CDK18: variants seen among roughly 807,000 people sequenced by gnomAD.
CDK18 encodes cyclin-dependent kinase 18.
In CDK18, 52 loss-of-function variants were observed where a neutral mutation model predicts 62.0. The ratio of observed to expected loss-of-function variants is 0.84; its 90% CI spans 0.67 to 1.06. CDK18 has a LOEUF of 1.06. CDK18 is among the 50% of genes least tolerant of loss of function. The probability of loss-of-function intolerance (pLI) is 0.00; values close to 1 mark genes in which losing one functional copy is unlikely to be tolerated. For missense variants in CDK18, 604 were observed against 619.9 expected, an observed-to-expected ratio of 0.97 and a Z score of 0.27; for synonymous variants, 237 against 247.0, an observed-to-expected ratio of 0.96 and a Z score of 0.38.
Position 205,527,290 on chromosome 1 carries a change from G to C in CDK18, c.729+453G>C. 4.5e-6 allele frequency: 1 copy of C among 221,322 alleles called. No individual in the cohort carries two copies. The highest frequency in any genetic ancestry group is 7.6e-5 in the South Asian group (1 of 13,192). The allele number at this position is 221,322 out of a possible 1,614,324, so 13.7% of individuals were successfully genotyped here. ...GCCCAGGAGTTTGAGACCAGCCTGG[G>C]CAACATGGCAAGACCTCATCTCTAC... On this transcript the variant is annotated intron_variant, in intron 8 of 15. Transcript: ENST00000429964. The surrounding 1 kb of genome is among the most constrained non-coding windows in gnomAD (Gnocchi z 4.1).
intron 4 of CDK18, 52 bp from the exon 5 acceptor site, chr1:205,525,087 T>G (rs550087546): frequency 1.5e-6 from 2 of 1,304,742 alleles, no homozygotes; most frequent in Non-Finnish European, 2.2e-6. Context: ...GTCATGTCTG[T>G]GGAGCTGCTA....
Position 205,523,609 on chromosome 1 carries a change from G to A in CDK18, c.257G>A (p.Arg86His), listed in dbSNP as rs781337493. The A allele has an allele frequency of 1.0e-5, 16 of 1,573,580 alleles. No individual in the cohort carries two copies. Among genetic ancestry groups the A allele is most frequent in the Middle Eastern group, 1.7e-4 (1 of 6,044 alleles). ...CAGTTCCAGCGGCGGCAGAACCAGC[G>A]CCGCTTCTCCATGGAGGTAAGGGCC... Reference protein sequence around the residue: ...GVQFQRRQNQRRFSMEDVSKR... With the variant: ...GVQFQRRQNQHRFSMEDVSKR... Residue 86 changes from arginine to histidine, a missense_variant, in exon 3 of 16, where the codon CGC becomes CAC. Transcript: ENST00000429964.
Position 205,524,762 on chromosome 1 carries a change from C to T in CDK18, c.400-377C>T, listed in dbSNP as rs117509650. Among the ~76,000 whole-genome samples the T allele has an allele frequency of 2.1e-3, 324 of 152,326 alleles. 9 individuals carry two copies. In the East Asian group the frequency reaches 0.059, roughly 28 times the overall value. ...AATCCGTCTTGTTAAGGGTTGGATA[C>T]ACCTGAGCTAGAAGTGCGCTGATGA... On this transcript the variant is annotated intron_variant, in intron 4 of 15. Coordinates refer to ENST00000429964, the MANE Select transcript of CDK18 (RefSeq NM_212502.3).
In CDK18 at chr1:205,510,093, A is replaced by G. The variant is rs191179008; in HGVS notation, c.-22+5297A>G. Among the ~76,000 whole-genome samples the G allele has an allele frequency of 3.9e-3, 593 of 152,072 alleles. 4 individuals carry two copies. Among genetic ancestry groups the G allele is most frequent in the African/African-American group, 0.014 (563 of 41,468 alleles). On this transcript the variant is annotated intron_variant, in intron 1 of 15. Coordinates refer to ENST00000429964, the MANE Select transcript of CDK18 (RefSeq NM_212502.3). ...AGACTTTGTCTCAAAAAAAAAAAAA[A>G]AATTTCTACCCTCCCTCACTCTGAA...
rs1575077351 is a variant in CDK18, at chr1:205,528,465, A to C, written c.974+297A>C. Among the ~76,000 whole-genome samples, 1 of 152,132 alleles carries C rather than the reference A, an allele frequency of 6.6e-6. No homozygotes were observed. Among genetic ancestry groups the C allele is most frequent in the East Asian group, 1.9e-4 (1 of 5,176 alleles). ...AGGGCCCCTATAGTAAATACGATGA[A>C]TCTTCCCCAAGCATCAGTCCCAGTG... On this transcript the variant is annotated intron_variant, in intron 10 of 15. Coordinates refer to ENST00000429964, the MANE Select transcript of CDK18 (RefSeq NM_212502.3). The surrounding 1 kb of genome is among the most constrained non-coding windows in gnomAD (Gnocchi z 4.2).
chr1:205,518,427 C>T (rs1283068997), intron 1 of CDK18, among the ~76,000 whole-genome samples: 1 of 152,150 alleles, frequency 6.6e-6, no homozygotes, highest in South Asian at 2.1e-4. Context: ...CACGTCATTG[C>T]GATTCCATAG....
intron 1 of CDK18, among the ~76,000 whole-genome samples, chr1:205,509,368 G>T (rs1473291948): frequency 6.6e-6 from 1 of 152,092 alleles, no homozygotes; most frequent in East Asian, 1.9e-4. Flanking sequence ...TAGACAAGAT[G>T]ACCCAATAAT....
chr1:205,528,934 T>C lies in CDK18; in HGVS notation c.975-65T>C. ...TGGCAGGTCGTCATTGGTGCCCTGG[T>C]GGAGCAGCCCTAGGAAGGGCGGCCG... On this transcript the variant is annotated intron_variant, in intron 10 of 15. Coordinates refer to ENST00000429964, the MANE Select transcript of CDK18 (RefSeq NM_212502.3). This position sits in a 1 kb window ranked among gnomAD's most constrained non-coding sequence, Gnocchi z 4.2. The C allele has an allele frequency of 9.3e-7, 1 of 1,073,900 alleles. No homozygotes were observed. Among genetic ancestry groups the C allele is most frequent in the Non-Finnish European group, 1.4e-6 (1 of 736,336 alleles). The allele number at this position is 1,073,900 out of a possible 1,614,324, so 66.5% of individuals were successfully genotyped here.
At position 205,526,916 on chromosome 1, in the gene CDK18, C is replaced by T. The variant is rs1179340474; in HGVS notation, c.729+79C>T. On this transcript the variant is annotated intron_variant, in intron 8 of 15. Coordinates refer to ENST00000429964, the MANE Select transcript of CDK18 (RefSeq NM_212502.3). ...CCAGTGTGGGGACCCACTCTCACCA[C>T]CAGGGATCCGGCTGCTGAGGTGGCT... 6 of 1,176,168 alleles carry T rather than the reference C, an allele frequency of 5.1e-6. No individual in the cohort carries two copies. In the East Asian group the frequency reaches 1.4e-4, roughly 28 times the overall value. 72.9% of individuals were successfully genotyped at this position (1,176,168 alleles called of 1,614,324 possible). A position where few individuals can be genotyped will look rare whatever the true frequency, so the allele number is the denominator to read the frequency against.
Position 205,527,983 on chromosome 1 carries a change from G to A in CDK18, c.854-65G>A. On this transcript the variant is annotated intron_variant, in intron 9 of 15. Coordinates refer to ENST00000429964, the MANE Select transcript of CDK18 (RefSeq NM_212502.3). This position sits in a 1 kb window ranked among gnomAD's most constrained non-coding sequence, Gnocchi z 4.1. ...TGCCTCAGGGTGTGGGTGCAGTGGG[G>A]GAGGGCATAGCAGTCAACCCCACAG... 6.2e-7 allele frequency: 1 copy of A among 1,613,050 alleles called. No homozygotes were observed. The highest frequency in any genetic ancestry group is 8.5e-7 in the Non-Finnish European group (1 of 1,179,226).
chr1:205,527,999 AACCCCACAGCACC>A lies in CDK18; in HGVS notation c.854-48_854-36del, dbSNP rs773937069. 6.2e-7 allele frequency: 1 copy of A among 1,613,332 alleles called. No individual in the cohort carries two copies. ...TGCAGTGGGGGAGGGCATAGCAGTCAACCCCACAGCACCTGTGGACAGAGGTCCAGTGACATGT... is the reference window on the plus strand; with the variant it reads ...TGCAGTGGGGGAGGGCATAGCAGTCATGTGGACAGAGGTCCAGTGACATGT... On this transcript the variant is annotated intron_variant, in intron 9 of 15. Transcript: ENST00000429964. This position sits in a 1 kb window ranked among gnomAD's most constrained non-coding sequence, Gnocchi z 4.1.
At position 205,516,505 on chromosome 1, in the gene CDK18, G is replaced by A. The variant is rs1667825223; in HGVS notation, c.-21-6642G>A. Among the ~76,000 whole-genome samples, 1 of 152,086 alleles carries A rather than the reference G, an allele frequency of 6.6e-6. No homozygotes were observed. The highest frequency in any genetic ancestry group is 1.5e-5 in the Non-Finnish European group (1 of 68,030). Reference sequence around the variant, plus strand: ...AGAAAAGCAAACAAAACAAAAAGAGGGACTTGGGGATGCATCTAACATGTG... The same window carrying A: ...AGAAAAGCAAACAAAACAAAAAGAGAGACTTGGGGATGCATCTAACATGTG... On this transcript the variant is annotated intron_variant, in intron 1 of 15. Transcript: ENST00000429964. This position sits in a 1 kb window ranked among gnomAD's most constrained non-coding sequence, Gnocchi z 4.8.
chr1:205,509,149 C>CA (rs1247786284), intron 1 of CDK18, among the ~76,000 whole-genome samples: 3 of 152,052 alleles, frequency 2.0e-5, no homozygotes, highest in Non-Finnish European at 4.4e-5. Flanking sequence ...CAAAACAAAA[C>CA]AAAAAACGGG....
intron 6 of CDK18, 25 bp from the exon 7 acceptor site, chr1:205,526,342 C>T (rs1558782245): frequency 6.3e-7 from 1 of 1,597,588 alleles, no homozygotes; most frequent in Admixed American, 1.7e-5. Flanking sequence ...GTCCTAGGGA[C>T]CCAGGTGGAT....
intron 14 of CDK18, 83 bp downstream of exon 14, chr1:205,530,432 G>C: frequency 7.0e-7 from 1 of 1,425,988 alleles, no homozygotes. Flanking sequence ...CCAGAACAAA[G>C]AGGCCAGAGG....
At chr1:205,506,668 G>A (rs189419905) in intron 1 of CDK18, among the ~76,000 whole-genome samples, 2 of 152,300 alleles carry the variant, frequency 1.3e-5, no homozygotes, top group African/African-American at 2.4e-5. Context: ...ACTTCCGTCT[G>A]ACCCCAAGCC....
At chr1:205,519,214 C>T (rs145597499) in intron 1 of CDK18, among the ~76,000 whole-genome samples, 3,545 of 152,228 alleles carry the variant, frequency 0.023, 79 homozygotes, top group Admixed American at 0.058. Context: ...TGTCTCCCTT[C>T]CCCCTCGACC....
At chr1:205,529,202 C>T (rs374487765) in intron 11 of CDK18, 106 bp downstream of exon 11, 4 of 1,341,944 alleles carry the variant, frequency 3.0e-6, no homozygotes, top group South Asian at 1.3e-5. Flanking sequence ...GCCTCTCTCC[C>T]GGGCGGGGAC....
At position 205,517,913 on chromosome 1, in the gene CDK18, C is replaced by T. The variant is rs1667904635; in HGVS notation, c.-21-5234C>T. On this transcript the variant is annotated intron_variant, in intron 1 of 15. Coordinates refer to ENST00000429964, the MANE Select transcript of CDK18 (RefSeq NM_212502.3). The surrounding 1 kb of genome is among the most constrained non-coding windows in gnomAD (Gnocchi z 4.1). ...GATCATGTCACTCATCCGTTCAAAC[C>T]CTCCTTACCCCTCGAGGCCCAACAC... Among the ~76,000 whole-genome samples the T allele has an allele frequency of 6.6e-6, 1 of 152,134 alleles. No homozygotes were observed. Among genetic ancestry groups the T allele is most frequent in the South Asian group, 2.1e-4 (1 of 4,828 alleles).
Sources: gnomAD v4.1 joint callset for allele counts (sites outside exome capture counted in the v4.1 genomes callset) on GRCh38, gnomAD v4.1.1 for gene constraint, Gnocchi (gnomAD v3.1) non-coding constraint, MANE v1.5 for transcripts, NCBI Gene and HGNC (gene_info 2026-07-23, HGNC 2026-07-21) for gene names.